The following GALNTL6 variants were observed in gnomAD, a reference collection of about 807,000 sequenced individuals.
The protein encoded by GALNTL6 is polypeptide N-acetylgalactosaminyltransferase-like 6.
Under a neutral mutation model 73.7 loss-of-function variants are expected in GALNTL6, and 46 were observed. That is an observed-to-expected ratio of 0.62 (90% CI 0.49 to 0.80). The LOEUF is 0.80. Among genes scored for constraint, GALNTL6 ranks in the 30% least tolerant of loss-of-function variants. GALNTL6 has a pLI of 0.00. For synonymous variants in GALNTL6, 259 were observed against 263.7 expected (o/e 0.98, Z 0.17); for missense variants, 604 against 755.0 (o/e 0.80, Z 2.34).
chr4:172,142,653 AT>A (rs1490323265), intron 2 of GALNTL6, among the ~76,000 whole-genome samples: 10 of 151,962 alleles, frequency 6.6e-5, no homozygotes, highest in Non-Finnish European at 1.5e-4. Flanking sequence ...TTTTCCAAAC[AT>A]TTCTTGCATT....
At chr4:172,584,110 G>A (rs578011074) in intron 5 of GALNTL6, among the ~76,000 whole-genome samples, 11 of 151,106 alleles carry the variant, frequency 7.3e-5, no homozygotes, top group Non-Finnish European at 1.3e-4. Flanking sequence ...AGCCAATGAA[G>A]AACAGGGACA....
At chr4:172,168,363 T>C (rs945186466) in intron 2 of GALNTL6, among the ~76,000 whole-genome samples, 6 of 152,144 alleles carry the variant, frequency 3.9e-5, no homozygotes, top group African/African-American at 1.4e-4. Context: ...CTCACTGTAA[T>C]CTCCATCTCC....
At chr4:171,955,439 A>T (rs906838184) in intron 2 of GALNTL6, among the ~76,000 whole-genome samples, 4 of 151,916 alleles carry the variant, frequency 2.6e-5, no homozygotes, top group African/African-American at 7.3e-5. Context: ...TTCATGAAAG[A>T]TTGGCTCCAG....
chr4:172,123,734 C>T (rs1020122476), intron 2 of GALNTL6, among the ~76,000 whole-genome samples: 4 of 151,800 alleles, frequency 2.6e-5, no homozygotes, highest in African/African-American at 7.3e-5. Context: ...CTCTTGACCT[C>T]GTGATCCACC....
chr4:172,839,951 A>G (rs1743115299), intron 7 of GALNTL6, among the ~76,000 whole-genome samples: 1 of 152,220 alleles, frequency 6.6e-6, no homozygotes, highest in African/African-American at 2.4e-5. Flanking sequence ...GTTGACAGTC[A>G]AATTTCTGAA....
chr4:172,168,614 A>G (rs1047115566), intron 2 of GALNTL6, among the ~76,000 whole-genome samples: 2 of 151,798 alleles, frequency 1.3e-5, no homozygotes, highest in East Asian at 1.9e-4. Context: ...GGTGGTAACA[A>G]TGGCGATGCT....
At chr4:172,452,990 G>A (rs1397043044) in intron 5 of GALNTL6, among the ~76,000 whole-genome samples, 2 of 152,186 alleles carry the variant, frequency 1.3e-5, no homozygotes, top group Admixed American at 1.3e-4. Context: ...ATTACCTGAG[G>A]TCAGGAGCTG....
At chr4:172,720,330 A>G (rs555208573) in intron 5 of GALNTL6, among the ~76,000 whole-genome samples, 1 of 152,280 alleles carries the variant, frequency 6.6e-6, no homozygotes, top group Non-Finnish European at 1.5e-5. Context: ...GCAAGGCCAG[A>G]GTCCCCTGCT....
At chr4:171,953,247 TG>T in intron 2 of GALNTL6, among the ~76,000 whole-genome samples, 1 of 149,138 alleles carries the variant, frequency 6.7e-6, no homozygotes. Context: ...TGTGTGTGTG[TG>T]TGTGTGTGTG....
At chr4:172,750,939 T>A (rs1214434843) in intron 5 of GALNTL6, among the ~76,000 whole-genome samples, 1 of 152,158 alleles carries the variant, frequency 6.6e-6, no homozygotes, top group Non-Finnish European at 1.5e-5. Context: ...ATCTAAGTAG[T>A]CCAGGTTCTA....
intron 8 of GALNTL6, among the ~76,000 whole-genome samples, chr4:172,899,627 G>A (rs1415595398): frequency 6.6e-6 from 1 of 152,142 alleles, no homozygotes; most frequent in African/African-American, 2.4e-5. Flanking sequence ...TACCCCAAGA[G>A]AAGGTTCTTG....
At chr4:173,018,981 C>G (rs2126511532) in intron 11 of GALNTL6, among the ~76,000 whole-genome samples, 1 of 152,134 alleles carries the variant, frequency 6.6e-6, no homozygotes, top group South Asian at 2.1e-4. Context: ...GTGTGGTAAC[C>G]AAAAAAGCCA....
chr4:173,004,461 T>G (rs1561080946), intron 10 of GALNTL6, among the ~76,000 whole-genome samples: 1 of 152,116 alleles, frequency 6.6e-6, no homozygotes, highest in Admixed American at 6.5e-5. Flanking sequence ...ACCGCATCTC[T>G]ACTAAAAATA....
At chr4:172,255,946 C>T (rs757394646) in intron 3 of GALNTL6, among the ~76,000 whole-genome samples, 4 of 151,306 alleles carry the variant, frequency 2.6e-5, no homozygotes, top group African/African-American at 9.7e-5. Flanking sequence ...CTGCTATTTT[C>T]AGGCATTGTG....
At chr4:172,552,848 A>AAAAAAAAC (rs1553960367) in intron 5 of GALNTL6, among the ~76,000 whole-genome samples, 1 of 150,352 alleles carries the variant, frequency 6.7e-6, no homozygotes, top group Non-Finnish European at 1.5e-5. Flanking sequence ...AAAAAAAAAA[A>AAAAAAAAC]AAAAAAAAAG....
chr4:172,411,755 A>C (rs1014630601), intron 5 of GALNTL6, among the ~76,000 whole-genome samples: 1 of 152,132 alleles, frequency 6.6e-6, no homozygotes, highest in Non-Finnish European at 1.5e-5. Flanking sequence ...ATGGAACATA[A>C]ATTGAGAAAA....
intron 2 of GALNTL6, among the ~76,000 whole-genome samples, chr4:172,004,336 A>G (rs573495145): frequency 7.2e-5 from 11 of 152,062 alleles, no homozygotes; most frequent in South Asian, 2.1e-4. Context: ...ATCAACAGCA[A>G]CTCTCTGGAT....
chr4:172,247,419 C>G (rs961117163), intron 3 of GALNTL6, among the ~76,000 whole-genome samples: 1 of 152,162 alleles, frequency 6.6e-6, no homozygotes, highest in Non-Finnish European at 1.5e-5. Flanking sequence ...ATCATTAAGG[C>G]ACTAATACAA....
intron 2 of GALNTL6, among the ~76,000 whole-genome samples, chr4:171,840,907 CT>C (rs1735224504): frequency 1.3e-5 from 2 of 152,146 alleles, no homozygotes; most frequent in Non-Finnish European, 1.5e-5. Context: ...ATTCTAAAAG[CT>C]TAATTACTGA....
Sources: gnomAD v4.1 joint callset for allele counts (sites outside exome capture counted in the v4.1 genomes callset) on GRCh38, gnomAD v4.1.1 for gene constraint, MANE v1.5 for transcripts, NCBI Gene and HGNC (gene_info 2026-07-23, HGNC 2026-07-21) for gene names.